Variants in PIK3C2A observed in about 807,000 individuals in gnomAD.
The protein encoded by PIK3C2A is phosphatidylinositol 4-phosphate 3-kinase C2 domain-containing subunit alpha.
Under a neutral mutation model 204.5 loss-of-function variants are expected in PIK3C2A, and 97 were observed. The ratio of observed to expected loss-of-function variants is 0.47; its 90% CI spans 0.40 to 0.56. The LOEUF is 0.56. Among genes scored for constraint, PIK3C2A ranks in the 20% least tolerant of loss-of-function variants. The probability of loss-of-function intolerance (pLI) is 0.00; values close to 1 mark genes in which losing one functional copy is unlikely to be tolerated. For synonymous variants in PIK3C2A, 653 were observed against 664.4 expected, an observed-to-expected ratio of 0.98 and a Z score of 0.26; for missense variants, 1,735 against 1,969.2, an observed-to-expected ratio of 0.88 and a Z score of 2.25.
chr11:17,190,799 A>T (rs1332959590), intron 1 of PIK3C2A, among the ~76,000 whole-genome samples: 1 of 152,114 alleles, frequency 6.6e-6, no homozygotes, highest in African/African-American at 2.4e-5. Flanking sequence ...TGAAACAGAG[A>T]AAAAGAGGGG....
intron 8 of PIK3C2A, among the ~76,000 whole-genome samples, chr11:17,140,944 C>T (rs577368732): frequency 1.0e-3 from 157 of 152,120 alleles, no homozygotes; most frequent in African/African-American, 3.6e-3. Context: ...TAAGGGTGAG[C>T]CATGCAAATG....
At chr11:17,189,812 C>CAAAAAAAA (rs759869051) in intron 1 of PIK3C2A, among the ~76,000 whole-genome samples, 1 of 60,380 alleles carries the variant, frequency 1.7e-5, no homozygotes, top group Non-Finnish European at 3.5e-5. Flanking sequence ...GGCTCTGTCT[C>CAAAAAAAA]AAAAAAAAAA....
In PIK3C2A at chr11:17,105,192, G is replaced by T; in HGVS notation, c.3658C>A (p.Pro1220Thr). The change falls in exon 23 of 33, where the codon CCC becomes ACC. Residue 1220 changes from proline to threonine, a missense_variant. Physicochemically the swap from Pro to Thr is conservative, Grantham distance 38. Around this residue, in one of 6 missense-constraint regions of PIK3C2A, gnomAD observed 503 missense variants for 669.0 expected, o/e 0.75. Transcript: ENST00000691414. ...PLAEWLRKYNPSEEEYEKASE... is the reference protein window; with the variant it reads ...PLAEWLRKYNTSEEEYEKASE... ...ACCTTTTCATATTCTTCTTCAGAGG[G>T]ATTGTATTTCCTTAGCCACTCTGCA... is the stretch of plus-strand genomic sequence containing the variant. The T allele has an allele frequency of 6.2e-7, 1 of 1,610,852 alleles. No individual in the cohort carries two copies. The highest frequency in any genetic ancestry group is 8.5e-7 in the Non-Finnish European group (1 of 1,177,200).
chr11:17,138,310 A>G, intron 8 of PIK3C2A: 2 of 567,172 alleles, frequency 3.5e-6, no homozygotes, highest in South Asian at 1.8e-5. Flanking sequence ...CGGAAGACGA[A>G]AAACAGCCAG....
intron 26 of PIK3C2A, among the ~76,000 whole-genome samples, chr11:17,098,198 T>C (rs1304732248): frequency 1.3e-5 from 2 of 152,228 alleles, no homozygotes; most frequent in African/African-American, 4.8e-5. Context: ...TTTGCCCCAC[T>C]ATGGACTGAA....
At chr11:17,191,443 G>T (rs1591017883) in intron 1 of PIK3C2A, among the ~76,000 whole-genome samples, 1 of 152,272 alleles carries the variant, frequency 6.6e-6, no homozygotes, top group East Asian at 1.9e-4. Flanking sequence ...AAGCACAAGT[G>T]AGCTTCCCCG....
chr11:17,129,869 G>A (rs979073085), intron 12 of PIK3C2A, among the ~76,000 whole-genome samples: 1 of 152,162 alleles, frequency 6.6e-6, no homozygotes, highest in Non-Finnish European at 1.5e-5. Flanking sequence ...TTACAGGCGT[G>A]AGCCACCACG....
chr11:17,206,939 A>G (rs541881393), intron 1 of PIK3C2A, among the ~76,000 whole-genome samples: 2 of 151,956 alleles, frequency 1.3e-5, no homozygotes, highest in South Asian at 2.1e-4. Context: ...CTTAATTCAA[A>G]CCCCCACTGT....
intron 2 of PIK3C2A, among the ~76,000 whole-genome samples, chr11:17,167,481 T>G (rs1347793397): frequency 6.6e-6 from 1 of 151,940 alleles, no homozygotes; most frequent in Admixed American, 6.6e-5. Context: ...AACCAGCCAG[T>G]GTAGTGGCAC....
At chr11:17,154,161 A>T (rs1205809458) in intron 3 of PIK3C2A, among the ~76,000 whole-genome samples, 1 of 152,156 alleles carries the variant, frequency 6.6e-6, no homozygotes, top group African/African-American at 2.4e-5. Flanking sequence ...TAAGATTCAA[A>T]TGGGAGAAAA....
intron 27 of PIK3C2A, among the ~76,000 whole-genome samples, chr11:17,096,571 A>T (rs1848462295): frequency 6.6e-6 from 1 of 151,760 alleles, no homozygotes. Flanking sequence ...CAGTAGTAAA[A>T]TAGCTTTTTA....
In PIK3C2A at chr11:17,117,619, C is replaced by T. The variant is rs766836916; in HGVS notation, c.3088G>A (p.Val1030Ile). ...CCTACTGACAGGAGAGCACCCAAAA[C>T]ATGTTCGTATCGGGTACTAAACTGT... ...DVQFSTRYEH[V>I]LGALLSVGGK... The change falls in exon 19 of 33, where the codon GTT (valine) becomes ATT (isoleucine). Residue 1030 changes from valine (V) to isoleucine (I), a missense_variant. Physicochemically the swap from Val to Ile is conservative, Grantham distance 29 (BLOSUM62 3). Around this residue, in one of 6 missense-constraint regions of PIK3C2A, gnomAD observed 567 missense variants for 576.0 expected, o/e 0.98. Coordinates refer to ENST00000691414, the MANE Select transcript of PIK3C2A (RefSeq NM_002645.4). The T allele has an allele frequency of 6.2e-7, 1 of 1,605,968 alleles. No homozygotes were observed. The highest frequency in any genetic ancestry group is 1.1e-5 in the South Asian group (1 of 90,958).
intron 5 of PIK3C2A, chr11:17,148,396 C>T: frequency 3.0e-6 from 1 of 333,006 alleles, no homozygotes; most frequent in Non-Finnish European, 5.6e-6. Context: ...CCCATTATAT[C>T]ACTTATTAAC....
chr11:17,122,119 A>C (rs1849385059), intron 15 of PIK3C2A, 69 bp downstream of exon 15: 5 of 907,194 alleles, frequency 5.5e-6, no homozygotes, highest in Admixed American at 2.3e-5. Context: ...AGGTTATTTA[A>C]TGTAAGTCCT....
chr11:17,177,124 GGTAA>G (rs1353671277), intron 1 of PIK3C2A, among the ~76,000 whole-genome samples: 1 of 151,940 alleles, frequency 6.6e-6, no homozygotes, highest in Non-Finnish European at 1.5e-5. Flanking sequence ...AAGTTATCTG[GGTAA>G]GTGTCTAAAT....
rs571031867 is a variant in PIK3C2A, at chr11:17,134,110, T to A, written c.2108+709A>T. ...AATACCTCTGTAATTTTTAAGAAAA[T>A]AACAAAGGTATCTGCTGGTTAGTCA... On this transcript the variant is annotated intron_variant, in intron 11 of 32. Transcript: ENST00000691414. Among the ~76,000 whole-genome samples the A allele has an allele frequency of 2.0e-4, 31 of 152,308 alleles. No individual in the cohort carries two copies. The South Asian group carries it at 3.9e-3, about 19-fold the overall frequency.
intron 17 of PIK3C2A, among the ~76,000 whole-genome samples, chr11:17,118,963 A>C (rs1849289379): frequency 6.6e-6 from 1 of 152,198 alleles, no homozygotes; most frequent in Non-Finnish European, 1.5e-5. Flanking sequence ...CCAGTAAAGA[A>C]AAATCAAGGA....
At chr11:17,137,411 A>G (rs1035384667) in intron 8 of PIK3C2A, among the ~76,000 whole-genome samples, 2 of 72,468 alleles carry the variant, frequency 2.8e-5, no homozygotes, top group Non-Finnish European at 5.6e-5. Flanking sequence ...ATATTACTTC[A>G]TATTACTTTG....
At chr11:17,193,418 T>A (rs984884383) in intron 1 of PIK3C2A, 2 of 284,838 alleles carry the variant, frequency 7.0e-6, no homozygotes, top group Non-Finnish European at 1.4e-5. Flanking sequence ...TTAACAGAAA[T>A]TCAACTTAAA....
Sources: gnomAD v4.1 joint callset for allele counts (sites outside exome capture counted in the v4.1 genomes callset) on GRCh38, gnomAD v4.1.1 for gene constraint, gnomAD v4.1.1 regional missense constraint, MANE v1.5 for transcripts, NCBI Gene and HGNC (gene_info 2026-07-23, HGNC 2026-07-21) for gene names.